The following CDC14B variants were observed in gnomAD, a reference collection of about 807,000 sequenced individuals.
The protein encoded by CDC14B is cell division cycle 14B.
Under a neutral mutation model 64.2 loss-of-function variants are expected in CDC14B, and 22 were observed. That is an observed-to-expected ratio of 0.34 (90% confidence interval 0.24 to 0.49). The LOEUF is 0.49. Among genes scored for constraint, CDC14B ranks in the 20% least tolerant of loss-of-function variants. The pLI, the probability that CDC14B is intolerant of heterozygous loss-of-function variation, is 0.99. For missense variants in CDC14B, 498 were observed against 629.9 expected, an observed-to-expected ratio of 0.79 and a Z score of 2.24; for synonymous variants, 191 against 215.8, an observed-to-expected ratio of 0.89 and a Z score of 1.01.
In CDC14B at chr9:96,501,785, A is replaced by C. The variant is rs1293221255; in HGVS notation, c.*1968T>G. On this transcript the variant is annotated 3_prime_UTR_variant, in exon 14 of 14. Transcript: ENST00000375241. ...GTGACACCCTTTCTTTTCTTGGACG[A>C]AACACCAGGAGGCTCATTCACCGTG... 6.6e-6 allele frequency: 1 copy of C among 152,220 alleles called. No homozygotes were observed. Among genetic ancestry groups the C allele is most frequent in the African/African-American group, 2.4e-5 (1 of 41,444 alleles). The allele number at this position is 152,220 out of a possible 1,614,324, so 9.4% of individuals were successfully genotyped here. A position where few individuals can be genotyped will look rare whatever the true frequency, so the allele number is the denominator to read the frequency against.
chr9:96,601,523 C>A (rs983556831), intron 1 of CDC14B, among the ~76,000 whole-genome samples: 2 of 146,740 alleles, frequency 1.4e-5, no homozygotes, highest in African/African-American at 2.5e-5. Flanking sequence ...AAGGGCCGGG[C>A]GTGGCACACC....
At chr9:96,554,889 C>T (rs1303304424) in intron 4 of CDC14B, among the ~76,000 whole-genome samples, 1 of 152,192 alleles carries the variant, frequency 6.6e-6, no homozygotes, top group Non-Finnish European at 1.5e-5. Context: ...TACATTAACA[C>T]AAATTCTCAG....
At chr9:96,607,049 A>T (rs1846994639) in intron 1 of CDC14B, among the ~76,000 whole-genome samples, 1 of 151,740 alleles carries the variant, frequency 6.6e-6, no homozygotes, top group African/African-American at 2.4e-5. Flanking sequence ...AAAAAAAAAA[A>T]TTTAAATAAG....
intron 9 of CDC14B, among the ~76,000 whole-genome samples, chr9:96,526,450 C>G (rs1302961797): frequency 6.6e-6 from 1 of 152,164 alleles, no homozygotes; most frequent in Non-Finnish European, 1.5e-5. Context: ...CACTGCAAGC[C>G]GAGGAGAGAG....
intron 4 of CDC14B, among the ~76,000 whole-genome samples, chr9:96,561,467 G>A (rs1843166239): frequency 6.6e-6 from 1 of 151,866 alleles, no homozygotes; most frequent in Admixed American, 6.6e-5. Flanking sequence ...AACCTAAAGA[G>A]CTCCAAAAAC....
intron 7 of CDC14B, among the ~76,000 whole-genome samples, chr9:96,536,871 G>T (rs1019934110): frequency 1.3e-5 from 2 of 152,098 alleles, no homozygotes; most frequent in African/African-American, 4.8e-5. Flanking sequence ...TCCCTATTTG[G>T]AGGATAAAGC....
At chr9:96,611,251 T>C (rs1158612498) in intron 1 of CDC14B, among the ~76,000 whole-genome samples, 1 of 152,226 alleles carries the variant, frequency 6.6e-6, no homozygotes, top group Non-Finnish European at 1.5e-5. Context: ...AATATGGACG[T>C]CAATTCTTCT....
chr9:96,610,816 C>T (rs1366576107), intron 1 of CDC14B, among the ~76,000 whole-genome samples: 1 of 152,066 alleles, frequency 6.6e-6, no homozygotes, highest in South Asian at 2.1e-4. Context: ...AATGAAATAT[C>T]GCAGAAACTA....
At position 96,619,365 on chromosome 9, in the gene CDC14B, C is replaced by T. The variant is rs771313509; in HGVS notation, c.14G>A (p.Ser5Asn). Residue 5 changes from serine to asparagine, a missense_variant, in exon 1 of 14, where the codon AGC becomes AAC. Ser to Asn is a conservative substitution (Grantham distance 46, BLOSUM62 1). Transcript: ENST00000375241. ...GGCGGCCCAGCTCGACCGCCGCTCG[C>T]TTTTCCGCTTCATGGAGGCGGCCGC... The part of the protein sequence containing the change: MKRK[S>N]ERRSSWAAAP... 30 of 1,225,572 alleles carry T rather than the reference C, an allele frequency of 2.4e-5. No homozygotes were observed. The highest frequency in any genetic ancestry group is 3.1e-5 in the Non-Finnish European group (30 of 981,266). The allele number at this position is 1,225,572 out of a possible 1,614,324, so 75.9% of individuals were successfully genotyped here.
intron 5 of CDC14B, among the ~76,000 whole-genome samples, chr9:96,547,487 G>A (rs891982148): frequency 4.0e-5 from 6 of 151,814 alleles, no homozygotes; most frequent in Admixed American, 6.6e-5. Context: ...AAAAGATACG[G>A]TCTTGTTCTG....
At chr9:96,510,704 C>A (rs1331486699) in intron 12 of CDC14B, among the ~76,000 whole-genome samples, 2 of 151,590 alleles carry the variant, frequency 1.3e-5, no homozygotes. Flanking sequence ...CTCCCAGGTT[C>A]AAGCGATCCT....
intron 5 of CDC14B, among the ~76,000 whole-genome samples, chr9:96,548,801 T>TA (rs1308254532): frequency 2.1e-3 from 295 of 139,756 alleles, no homozygotes; most frequent in African/African-American, 4.3e-3. Flanking sequence ...AATCTGTCTT[T>TA]AAAAAAAAAA....
downstream of CDC14B, among the ~76,000 whole-genome samples, chr9:96,496,742 G>C (rs1587699553): frequency 6.6e-6 from 1 of 152,246 alleles, no homozygotes; most frequent in East Asian, 1.9e-4. Flanking sequence ...CCCGCTCCCG[G>C]GGAGCCCGTC....
intron 4 of CDC14B, among the ~76,000 whole-genome samples, chr9:96,561,484 GT>G (rs1843171414): frequency 1.3e-5 from 2 of 151,558 alleles, no homozygotes; most frequent in Non-Finnish European, 3.0e-5. Flanking sequence ...AAACAACCCT[GT>G]TTTTCTTTTT....
chr9:96,571,632 T>A (rs1353232764), intron 1 of CDC14B, among the ~76,000 whole-genome samples: 1 of 152,182 alleles, frequency 6.6e-6, no homozygotes, highest in Admixed American at 6.5e-5. Context: ...TATCACAATC[T>A]GTGATATTAT....
chr9:96,565,269 AAAAC>A (rs1442345215), intron 2 of CDC14B, 120 bp downstream of exon 2: 2 of 617,814 alleles, frequency 3.2e-6, no homozygotes, highest in Non-Finnish European at 5.6e-6. Flanking sequence ...CTACAGGTGA[AAAAC>A]AAGCATCCTG....
chr9:96,509,919 T>C lies in CDC14B; in HGVS notation c.1344-130A>G, dbSNP rs140016324. The C allele has an allele frequency of 2.2e-5, 13 of 599,588 alleles. No individual in the cohort carries two copies. In the East Asian group the frequency reaches 3.7e-4, roughly 17 times the overall value. The allele number at this position is 599,588 out of a possible 1,614,324, so 37.1% of individuals were successfully genotyped here. ...TGAGAGGATTTTCCATCAACACATTTACCAAAAAAATCTGAAACACATTTT... is the reference window on the plus strand; with the variant it reads ...TGAGAGGATTTTCCATCAACACATTCACCAAAAAAATCTGAAACACATTTT... On this transcript the variant is annotated intron_variant, in intron 12 of 13. Coordinates refer to ENST00000375241, the MANE Select transcript of CDC14B (RefSeq NM_033331.4).
intron 1 of CDC14B, among the ~76,000 whole-genome samples, chr9:96,611,492 T>G (rs891435738): frequency 6.6e-6 from 1 of 152,328 alleles, no homozygotes; most frequent in Non-Finnish European, 1.5e-5. Context: ...TGTTTGCATG[T>G]CAACTTACAG....
chr9:96,578,546 A>G (rs1197109836), intron 1 of CDC14B, among the ~76,000 whole-genome samples: 1 of 152,228 alleles, frequency 6.6e-6, no homozygotes, highest in African/African-American at 2.4e-5. Flanking sequence ...TATTCATGCC[A>G]AAAATCCAGT....
Sources: gnomAD v4.1 joint callset for allele counts (sites outside exome capture counted in the v4.1 genomes callset) on GRCh38, gnomAD v4.1.1 for gene constraint, MANE v1.5 for transcripts, NCBI Gene and HGNC (gene_info 2026-07-23, HGNC 2026-07-21) for gene names.